TCAIM: variants seen among roughly 807,000 people sequenced by gnomAD.
The protein encoded by TCAIM is T-cell activation inhibitor, mitochondrial.
TCAIM carries 36 observed loss-of-function variants against 58.6 expected under a neutral mutation model. The observed-to-expected ratio is 0.61, with a 90% CI of 0.47 to 0.81. The LOEUF is 0.81. TCAIM is among the 30% of genes least tolerant of loss of function. The pLI is 0.00. For missense variants in TCAIM, 466 were observed against 579.6 expected (o/e 0.80, Z 2.01); for synonymous variants, 172 against 193.6 (o/e 0.89, Z 0.93).
intron 6 of TCAIM, among the ~76,000 whole-genome samples, chr3:44,394,236 T>A (rs914245087): frequency 6.6e-6 from 1 of 152,220 alleles, no homozygotes; most frequent in African/African-American, 2.4e-5. Flanking sequence ...ATAAGATAAT[T>A]CAGAATTTCA....
intron 1 of TCAIM, among the ~76,000 whole-genome samples, chr3:44,348,492 G>C (rs1399878428): frequency 6.6e-6 from 1 of 152,218 alleles, no homozygotes; most frequent in Non-Finnish European, 1.5e-5. Flanking sequence ...GCAAGATCCT[G>C]GGGGAGGAGG....
At chr3:44,379,343 A>G (rs1404262876) in intron 5 of TCAIM, among the ~76,000 whole-genome samples, 3 of 152,234 alleles carry the variant, frequency 2.0e-5, no homozygotes, top group Non-Finnish European at 2.9e-5. Context: ...AACAACTAAC[A>G]TTCAACCCAG....
intron 3 of TCAIM, 36 bp from the exon 4 acceptor site, chr3:44,361,329 A>G (rs1354651367): frequency 3.9e-6 from 6 of 1,540,994 alleles, no homozygotes; most frequent in Middle Eastern, 1.7e-4. Context: ...TCCTTGTTCT[A>G]TTTTGTATGT....
intron 4 of TCAIM, among the ~76,000 whole-genome samples, chr3:44,364,126 A>T (rs1338399407): frequency 6.6e-6 from 1 of 150,940 alleles, no homozygotes; most frequent in African/African-American, 2.4e-5. Flanking sequence ...ACGGGGTTTC[A>T]CCATGTTGGC....
At chr3:44,340,715 C>T (rs891396477) in intron 1 of TCAIM, 1 of 152,054 alleles carries the variant, frequency 6.6e-6, no homozygotes, top group Non-Finnish European at 1.5e-5. Context: ...CATCAGAATC[C>T]CTGACAGTGT....
chr3:44,339,107 C>CAG (rs35230933), intron 1 of TCAIM, among the ~76,000 whole-genome samples: 1 of 151,970 alleles, frequency 6.6e-6, no homozygotes, highest in East Asian at 1.9e-4. Context: ...TCTCATATAG[C>CAG]GAGATTTAGA....
intron 5 of TCAIM, among the ~76,000 whole-genome samples, chr3:44,389,274 A>G (rs1450617685): frequency 2.0e-5 from 3 of 152,242 alleles, no homozygotes; most frequent in Admixed American, 6.5e-5. Flanking sequence ...TGGGTGACAC[A>G]GTGAGACTCC....
At chr3:44,339,260 T>C (rs894934622) in intron 1 of TCAIM, among the ~76,000 whole-genome samples, 21 of 152,330 alleles carry the variant, frequency 1.4e-4, no homozygotes, top group South Asian at 4.1e-4. Context: ...CTCCTTGATA[T>C]AACAAACTGC....
At chr3:44,396,581 A>G in intron 7 of TCAIM, 84 bp downstream of exon 7, 1 of 1,465,090 alleles carries the variant, frequency 6.8e-7, no homozygotes, top group South Asian at 1.3e-5. Context: ...AAATAACTTT[A>G]TCACAGCTGA....
intron 5 of TCAIM, among the ~76,000 whole-genome samples, chr3:44,375,539 C>G (rs546664533): frequency 6.6e-6 from 1 of 152,310 alleles, no homozygotes; most frequent in East Asian, 1.9e-4. Context: ...CTCCATGACC[C>G]AAAACTTCCC....
intron 3 of TCAIM, chr3:44,358,241 T>A (rs745916564): frequency 6.6e-7 from 1 of 1,509,286 alleles, no homozygotes; most frequent in South Asian, 1.2e-5. Flanking sequence ...GAGTTTTCAA[T>A]GCCCTAGTGA....
chr3:44,352,897 A>G (rs1701119277), intron 1 of TCAIM, among the ~76,000 whole-genome samples: 1 of 149,552 alleles, frequency 6.7e-6, no homozygotes, highest in Non-Finnish European at 1.5e-5. Flanking sequence ...GGAATCATAC[A>G]GTATACAGCC....
chr3:44,371,912 C>A (rs1701476331), intron 5 of TCAIM, among the ~76,000 whole-genome samples: 1 of 151,980 alleles, frequency 6.6e-6, no homozygotes. Context: ...TCCACTCTTA[C>A]ACGGATTTTT....
Position 44,356,269 on chromosome 3 carries a change from G to A in TCAIM, c.29+1458G>A, listed in dbSNP as rs373185071. Among the ~76,000 whole-genome samples, 10 of 152,354 alleles carry A rather than the reference G, an allele frequency of 6.6e-5. No homozygotes were observed. In the East Asian group the frequency reaches 9.6e-4, roughly 15 times the overall value. On this transcript the variant is annotated intron_variant, in intron 2 of 10. Transcript: ENST00000342649. Reference sequence around the variant, plus strand: ...GGGCCAGGCACAGTGGCTCACGCCTGTAATCCCAGCACTTTGGGAGGCCGA... The same window carrying A: ...GGGCCAGGCACAGTGGCTCACGCCTATAATCCCAGCACTTTGGGAGGCCGA...
At position 44,350,404 on chromosome 3, in the gene TCAIM, G is replaced by A. The variant is rs575305258; in HGVS notation, c.-44-4335G>A. 7.2e-5 allele frequency among the ~76,000 whole-genome samples: 11 copies of A among 152,008 alleles called. No homozygotes were observed. The East Asian group carries it at 1.5e-3, about 21-fold the overall frequency. ...CTCAGAGGCCTGACAATTACCTCCC[G>A]AAGGCCCCACTTCCTTCTTTTTCAT... On this transcript the variant is annotated intron_variant, in intron 1 of 10. Transcript: ENST00000342649.
At chr3:44,343,398 C>T (rs552671665) in intron 1 of TCAIM, among the ~76,000 whole-genome samples, 1 of 152,048 alleles carries the variant, frequency 6.6e-6, no homozygotes, top group African/African-American at 2.4e-5. Flanking sequence ...AGAATGTAAG[C>T]CTTGGATATA....
At chr3:44,390,111 G>C (rs986027295) in intron 5 of TCAIM, among the ~76,000 whole-genome samples, 1 of 152,010 alleles carries the variant, frequency 6.6e-6, no homozygotes, top group African/African-American at 2.4e-5. Flanking sequence ...CTTATTAAAT[G>C]TGTCTTCCTT....
At chr3:44,377,699 G>A (rs905510164) in intron 5 of TCAIM, among the ~76,000 whole-genome samples, 1 of 152,124 alleles carries the variant, frequency 6.6e-6, no homozygotes. Context: ...GATGAAGTTA[G>A]AAATCAACAA....
At chr3:44,403,840 C>G (rs1702059086) in intron 10 of TCAIM, among the ~76,000 whole-genome samples, 1 of 152,084 alleles carries the variant, frequency 6.6e-6, no homozygotes, top group South Asian at 2.1e-4. Flanking sequence ...TGCACCTGGT[C>G]TGAGCCTCCA....
Sources: gnomAD v4.1 joint callset for allele counts (sites outside exome capture counted in the v4.1 genomes callset) on GRCh38, gnomAD v4.1.1 for gene constraint, MANE v1.5 for transcripts, NCBI Gene and HGNC (gene_info 2026-07-23, HGNC 2026-07-21) for gene names.